Variants in WWP2 observed in about 807,000 individuals in gnomAD.
The protein encoded by WWP2 is NEDD4-like E3 ubiquitin-protein ligase WWP2.
A neutral mutation model predicts 121.0 loss-of-function variants in WWP2; 57 were observed. That is an observed-to-expected ratio of 0.47 (90% CI 0.38 to 0.59). The LOEUF is 0.59. WWP2 is among the 20% of genes least tolerant of loss of function. The probability of loss-of-function intolerance (pLI) is 0.00; values close to 1 mark genes in which losing one functional copy is unlikely to be tolerated. For synonymous variants in WWP2, 449 were observed against 441.3 expected, an observed-to-expected ratio of 1.02 and a Z score of -0.22; for missense variants, 962 against 1,158.9, an observed-to-expected ratio of 0.83 and a Z score of 2.47.
chr16:69,780,190 G>T (rs940696657), intron 1 of WWP2, among the ~76,000 whole-genome samples: 1 of 150,668 alleles, frequency 6.6e-6, no homozygotes, highest in Non-Finnish European at 1.5e-5. Context: ...CAACAACAAC[G>T]TATACAGTTG....
Position 69,940,062 on chromosome 16 carries a change from A to C in WWP2, c.*122A>C. ...TGGATGTGGCCCTGTGTGGGACCAC[A>C]CTGTCATCTCGCTGCTGGCAGAAAA... is the stretch of plus-strand genomic sequence containing the variant. On this transcript the variant is annotated 3_prime_UTR_variant, in exon 24 of 24. Transcript: ENST00000359154. The C allele has an allele frequency of 1.3e-6, 1 of 748,990 alleles. No individual in the cohort carries two copies. The highest frequency in any genetic ancestry group is 1.9e-5 in the South Asian group (1 of 51,856). The allele number at this position is 748,990 out of a possible 1,614,324, so 46.4% of individuals were successfully genotyped here.
rs1185647615 is a variant in WWP2 at position 69,842,136 on chromosome 16, G to A, written c.575+16G>A. On this transcript the variant is annotated intron_variant, in intron 6 of 23. Transcript: ENST00000359154. The stretch of plus-strand genomic sequence containing the variant: ...GAAGATCCCGGTAAGACCCCCCTTG[G>A]TGAGGACAAAGAGCTAAGAAGTTGC... 1.9e-6 allele frequency: 3 copies of A among 1,609,310 alleles called. No homozygotes were observed. The highest frequency in any genetic ancestry group is 8.5e-7 in the Non-Finnish European group (1 of 1,177,510).
At chr16:69,840,083 G>A (rs751586629) in intron 4 of WWP2, 43 bp from the exon 5 acceptor site, 5 of 1,605,904 alleles carry the variant, frequency 3.1e-6, no homozygotes, top group Non-Finnish European at 4.3e-6. Context: ...AACTTGGGGT[G>A]CATTCTCTTT....
intron 13 of WWP2, 80 bp downstream of exon 13, chr16:69,930,338 T>G: frequency 1.9e-6 from 3 of 1,577,782 alleles, no homozygotes; most frequent in Non-Finnish European, 2.6e-6. Flanking sequence ...GAGGCCCACT[T>G]TGGGTGGCCC....
At chr16:69,763,836 C>T (rs1015269550) in intron 1 of WWP2, among the ~76,000 whole-genome samples, 5 of 152,090 alleles carry the variant, frequency 3.3e-5, no homozygotes, top group African/African-American at 7.2e-5. Flanking sequence ...AAAGTCACAC[C>T]GGCGTAAGTG....
chr16:69,907,755 C>T (rs959277518), intron 8 of WWP2, among the ~76,000 whole-genome samples: 9 of 152,208 alleles, frequency 5.9e-5, no homozygotes, highest in Admixed American at 1.3e-4. Context: ...AAGCCATCCT[C>T]AGCACCTTGA....
At chr16:69,926,439 A>G (rs933130571) in intron 11 of WWP2, among the ~76,000 whole-genome samples, 5 of 152,152 alleles carry the variant, frequency 3.3e-5, no homozygotes, top group Non-Finnish European at 7.4e-5. Flanking sequence ...GACAACAAAG[A>G]TGGAGAGGTG....
intron 10 of WWP2, chr16:69,924,913 G>A (rs1416009135): frequency 1.3e-5 from 13 of 985,776 alleles, no homozygotes; most frequent in Admixed American, 6.1e-5. Flanking sequence ...GAGGAGGGCC[G>A]GGCCCCAGCC....
At chr16:69,774,365 C>T (rs548846591) in intron 1 of WWP2, among the ~76,000 whole-genome samples, 1 of 151,958 alleles carries the variant, frequency 6.6e-6, no homozygotes, top group Admixed American at 6.6e-5. Flanking sequence ...AAGCGATCCT[C>T]CCACCTCACC....
intron 8 of WWP2, among the ~76,000 whole-genome samples, chr16:69,908,155 G>A (rs1178188414): frequency 2.6e-5 from 4 of 152,194 alleles, no homozygotes; most frequent in African/African-American, 9.6e-5. Flanking sequence ...TGAGGTGGGA[G>A]GATTGCTTGA....
intron 6 of WWP2, among the ~76,000 whole-genome samples, chr16:69,849,591 T>C (rs777572335): frequency 6.6e-6 from 1 of 152,112 alleles, no homozygotes; most frequent in Non-Finnish European, 1.5e-5. Context: ...TTGGTAAATA[T>C]GGAATAGGAT....
At chr16:69,800,640 C>T (rs1326168920) in intron 4 of WWP2, among the ~76,000 whole-genome samples, 1 of 150,796 alleles carries the variant, frequency 6.6e-6, no homozygotes, top group Non-Finnish European at 1.5e-5. Context: ...TCTCGGCTCA[C>T]TGCAACCTCC....
At chr16:69,784,714 T>G (rs896918968) in intron 1 of WWP2, among the ~76,000 whole-genome samples, 3 of 152,226 alleles carry the variant, frequency 2.0e-5, no homozygotes, top group African/African-American at 7.2e-5. Context: ...TGTTGAAGTA[T>G]AATGGTGTGT....
intron 18 of WWP2, 55 bp from the exon 19 acceptor site, chr16:69,936,257 C>T (rs1476000895): frequency 3.1e-6 from 5 of 1,610,164 alleles, no homozygotes; most frequent in Non-Finnish European, 4.2e-6. Flanking sequence ...GAGCAGGATC[C>T]AGGAAAGACC....
intron 7 of WWP2, among the ~76,000 whole-genome samples, chr16:69,882,318 C>T (rs1232461857): frequency 6.6e-6 from 1 of 152,156 alleles, no homozygotes; most frequent in African/African-American, 2.4e-5. Flanking sequence ...TTTCAAATAT[C>T]TTTCTTTTAT....
intron 4 of WWP2, among the ~76,000 whole-genome samples, chr16:69,820,823 TATAC>T (rs759912811): frequency 3.3e-4 from 41 of 123,018 alleles, no homozygotes; most frequent in South Asian, 1.1e-3. Flanking sequence ...AATACATGCA[TATAC>T]ACACACACAC....
Position 69,925,594 on chromosome 16 carries a change from C to G in WWP2, c.1234+110C>G, listed in dbSNP as rs911490426. On this transcript the variant is annotated intron_variant, in intron 11 of 23. Coordinates refer to ENST00000359154, the MANE Select transcript of WWP2 (RefSeq NM_001270454.2). This position sits in a 1 kb window ranked among gnomAD's most constrained non-coding sequence, Gnocchi z 4.0. ...GTTCCTGTCCCTCTGTTTTCCATCTCTCCCCTCTCCAGCACACTCTCTGGG... is the reference window on the plus strand; with the variant it reads ...GTTCCTGTCCCTCTGTTTTCCATCTGTCCCCTCTCCAGCACACTCTCTGGG... The G allele has an allele frequency of 1.4e-6, 2 of 1,386,104 alleles. No homozygotes were observed. Among genetic ancestry groups the G allele is most frequent in the Non-Finnish European group, 2.0e-6 (2 of 1,016,618 alleles). 85.9% of individuals were successfully genotyped at this position (1,386,104 alleles called of 1,614,324 possible).
intron 10 of WWP2, among the ~76,000 whole-genome samples, chr16:69,921,222 T>C (rs2058557125): frequency 1.3e-5 from 2 of 152,214 alleles, no homozygotes; most frequent in Admixed American, 6.5e-5. Context: ...CCCTCTGGCA[T>C]TGGTTTTCTC....
intron 8 of WWP2, among the ~76,000 whole-genome samples, chr16:69,902,859 A>T (rs2058227028): frequency 6.6e-6 from 1 of 152,124 alleles, no homozygotes; most frequent in Admixed American, 6.5e-5. Flanking sequence ...GAATCCACCG[A>T]CTGTGCTGCC....
Sources: allele counts gnomAD v4.1 joint callset (sites outside exome capture counted in the v4.1 genomes callset), GRCh38; gene constraint gnomAD v4.1.1; non-coding constraint Gnocchi (gnomAD v3.1); transcripts MANE v1.5; gene names NCBI Gene and HGNC (gene_info 2026-07-23, HGNC 2026-07-21).